Variants in SLC2A13 observed in about 807,000 individuals in gnomAD.
SLC2A13 encodes proton myo-inositol cotransporter.
SLC2A13 carries 32 observed loss-of-function variants against 64.4 expected under a neutral mutation model. The ratio of observed to expected loss-of-function variants is 0.50; its 90% CI spans 0.37 to 0.67. The LOEUF (loss-of-function observed/expected upper bound fraction) is 0.67. Ranked by LOEUF, SLC2A13 falls within the 30% of genes least tolerant of loss-of-function variation. The pLI, the probability that SLC2A13 is intolerant of heterozygous loss-of-function variation, is 0.00. For missense variants in SLC2A13, 743 were observed against 829.2 expected, an observed-to-expected ratio of 0.90 and a Z score of 1.28; for synonymous variants, 338 against 327.1, an observed-to-expected ratio of 1.03 and a Z score of -0.36.
At chr12:40,089,527 C>T (rs900703445) in intron 1 of SLC2A13, among the ~76,000 whole-genome samples, 3 of 152,040 alleles carry the variant, frequency 2.0e-5, no homozygotes, top group Non-Finnish European at 2.9e-5. Flanking sequence ...TAGAATCAAG[C>T]GGGACTAGAG....
chr12:39,999,485 T>G (rs944208559), intron 3 of SLC2A13, among the ~76,000 whole-genome samples: 1 of 152,092 alleles, frequency 6.6e-6, no homozygotes, highest in African/African-American at 2.4e-5. Context: ...CTTATGCAGT[T>G]GAGATAAGGA....
intron 4 of SLC2A13, chr12:39,949,917 T>C (rs1946199832): frequency 6.6e-6 from 1 of 152,144 alleles, no homozygotes; most frequent in Non-Finnish European, 1.5e-5. Flanking sequence ...TGTGCCAAAT[T>C]CAGAGAACAA....
intron 3 of SLC2A13, among the ~76,000 whole-genome samples, chr12:40,022,887 T>C (rs1304061891): frequency 2.1e-5 from 3 of 144,942 alleles, no homozygotes; most frequent in African/African-American, 7.7e-5. Flanking sequence ...AATTCACCCC[T>C]CCCCCCCCAA....
chr12:39,764,641 T>G (rs7305023), intron 8 of SLC2A13, 29 bp from the exon 9 acceptor site: 1 of 1,580,772 alleles, frequency 6.3e-7, no homozygotes, highest in East Asian at 2.2e-5. Context: ...AAAACTTTAG[T>G]AAAATAGCAT....
At chr12:40,038,697 C>T (rs1228298455) in intron 2 of SLC2A13, among the ~76,000 whole-genome samples, 2 of 136,792 alleles carry the variant, frequency 1.5e-5, no homozygotes, top group East Asian at 4.2e-4. Context: ...TGCCACTGCA[C>T]ACCAGCCTGG....
rs948927834 is a variant in SLC2A13, at chr12:40,016,844, A to G, written c.925+11457T>C. Among the ~76,000 whole-genome samples, 16 of 152,330 alleles carry G rather than the reference A, an allele frequency of 1.1e-4. No individual in the cohort carries two copies. The South Asian group carries it at 2.1e-3, about 20-fold the overall frequency. Reference sequence around the variant, plus strand: ...ACTTATAAATACTTGATGTCAAAAAATAAGTTTTTTCGATGGGCCCAACAT... The same window carrying G: ...ACTTATAAATACTTGATGTCAAAAAGTAAGTTTTTTCGATGGGCCCAACAT... On this transcript the variant is annotated intron_variant, in intron 3 of 9. Coordinates refer to ENST00000280871, the MANE Select transcript of SLC2A13 (RefSeq NM_052885.4).
intron 3 of SLC2A13, among the ~76,000 whole-genome samples, chr12:40,027,341 A>G (rs1947830604): frequency 6.6e-6 from 1 of 152,196 alleles, no homozygotes; most frequent in Non-Finnish European, 1.5e-5. Context: ...TTCACATAGA[A>G]TGGGCTCACA....
intron 3 of SLC2A13, among the ~76,000 whole-genome samples, chr12:39,966,749 G>C (rs1946524033): frequency 6.6e-6 from 1 of 152,072 alleles, no homozygotes; most frequent in Admixed American, 6.6e-5. Flanking sequence ...TGTGTATAAG[G>C]ACTGGGCAAG....
intron 3 of SLC2A13, among the ~76,000 whole-genome samples, chr12:40,007,835 A>T (rs1224035418): frequency 6.6e-6 from 1 of 152,198 alleles, no homozygotes. Flanking sequence ...TGGTAGCATA[A>T]TTATTCAAAG....
chr12:40,096,176 G>A (rs964798056), intron 1 of SLC2A13, among the ~76,000 whole-genome samples: 14 of 150,592 alleles, frequency 9.3e-5, no homozygotes, highest in South Asian at 2.1e-4. Flanking sequence ...TAATCCACCC[G>A]CCTCAGCCTC....
intron 4 of SLC2A13, among the ~76,000 whole-genome samples, chr12:39,932,379 G>A (rs1167050163): frequency 6.6e-6 from 1 of 152,112 alleles, no homozygotes; most frequent in Non-Finnish European, 1.5e-5. Context: ...TCTTTTAAAA[G>A]TTCAGCAAGA....
chr12:40,091,347 G>A (rs1938760968), intron 1 of SLC2A13, among the ~76,000 whole-genome samples: 2 of 152,156 alleles, frequency 1.3e-5, no homozygotes, highest in African/African-American at 2.4e-5. Flanking sequence ...TCACTTGAAT[G>A]TCATTAGATT....
intron 7 of SLC2A13, among the ~76,000 whole-genome samples, chr12:39,807,957 AAATCCAGTACTTT>A (rs1413849893): frequency 6.6e-6 from 1 of 152,182 alleles, no homozygotes; most frequent in African/African-American, 2.4e-5. Flanking sequence ...GGAAGTCAAG[AAATCCAGTACTTT>A]AATCATCTAT....
intron 4 of SLC2A13, among the ~76,000 whole-genome samples, chr12:39,887,648 G>C (rs1176097234): frequency 6.6e-6 from 1 of 152,134 alleles, no homozygotes; most frequent in Non-Finnish European, 1.5e-5. Flanking sequence ...TTCTATTCCA[G>C]TGACCATCGC....
intron 1 of SLC2A13, among the ~76,000 whole-genome samples, chr12:40,102,170 G>T (rs368259709): frequency 6.6e-6 from 1 of 152,034 alleles, no homozygotes; most frequent in East Asian, 1.9e-4. Flanking sequence ...TCTTTTAATT[G>T]CTTGTTTATG....
At chr12:39,896,328 GTATATA>G (rs1273628071) in intron 4 of SLC2A13, among the ~76,000 whole-genome samples, 2 of 138,780 alleles carry the variant, frequency 1.4e-5, no homozygotes, top group African/African-American at 2.7e-5. Flanking sequence ...ATGTATATGT[GTATATA>G]TGTATACATA....
Position 40,105,091 on chromosome 12 carries a change from G to T in SLC2A13, c.556+162C>A, listed in dbSNP as rs1334945228. Among the ~76,000 whole-genome samples the T allele has an allele frequency of 6.6e-6, 1 of 152,072 alleles. No individual in the cohort carries two copies. The highest frequency in any genetic ancestry group is 1.9e-4 in the East Asian group (1 of 5,190). The stretch of plus-strand genomic sequence containing the variant: ...CCCACCTCCCGGGAGAGCCTTGGAG[G>T]CTGGACCAACAAACAGATGGGCTCT... On this transcript the variant is annotated intron_variant, in intron 1 of 9. Coordinates refer to ENST00000280871, the MANE Select transcript of SLC2A13 (RefSeq NM_052885.4). The surrounding 1 kb of genome is among the most constrained non-coding windows in gnomAD (Gnocchi z 4.2).
At chr12:39,814,743 G>A (rs947798833) in intron 7 of SLC2A13, among the ~76,000 whole-genome samples, 2 of 151,994 alleles carry the variant, frequency 1.3e-5, no homozygotes, top group African/African-American at 4.8e-5. Context: ...CTCAACACTA[G>A]TAAGAAAGAA....
At chr12:40,101,465 C>T (rs1939145500) in intron 1 of SLC2A13, among the ~76,000 whole-genome samples, 1 of 152,180 alleles carries the variant, frequency 6.6e-6, no homozygotes. Context: ...TTTACCCATC[C>T]TGTAGTAGCC....
Sources: allele counts gnomAD v4.1 joint callset (sites outside exome capture counted in the v4.1 genomes callset), GRCh38; gene constraint gnomAD v4.1.1; non-coding constraint Gnocchi (gnomAD v3.1); transcripts MANE v1.5; gene names NCBI Gene and HGNC (gene_info 2026-07-23, HGNC 2026-07-21).